The following NAA25 variants were observed in gnomAD, a reference collection of about 807,000 sequenced individuals.
NAA25 encodes the protein N-alpha-acetyltransferase 25, NatB auxiliary subunit.
Under a neutral mutation model 132.5 loss-of-function variants are expected in NAA25, and 30 were observed. The ratio of observed to expected loss-of-function variants is 0.23; its 90% CI spans 0.17 to 0.31. The LOEUF is 0.31. NAA25 is among the 10% of genes least tolerant of loss of function. The pLI is 1.00. For synonymous variants in NAA25, 359 were observed against 401.9 expected, an observed-to-expected ratio of 0.89 and a Z score of 1.28; for missense variants, 771 against 1,150.4, an observed-to-expected ratio of 0.67 and a Z score of 4.77.
chr12:112,053,448 G>GC, intron 15 of NAA25, 110 bp downstream of exon 15: 1 of 795,942 alleles, frequency 1.3e-6, no homozygotes, highest in Non-Finnish European at 2.1e-6. Context: ...GCACTTGCTA[G>GC]TTCAGCATGG....
chr12:112,038,809 G>A (rs954194328), intron 22 of NAA25, among the ~76,000 whole-genome samples: 2 of 152,016 alleles, frequency 1.3e-5, no homozygotes, highest in Non-Finnish European at 2.9e-5. Context: ...GAGAAATCCC[G>A]TCTGTACTAA....
intron 22 of NAA25, chr12:112,034,824 A>G (rs1047751252): frequency 4.6e-5 from 7 of 151,500 alleles, no homozygotes; most frequent in Non-Finnish European, 5.9e-5. Context: ...AAAAAAAAAA[A>G]AAAAGAAAAG....
intron 15 of NAA25, among the ~76,000 whole-genome samples, chr12:112,051,487 G>T (rs2078464611): frequency 6.6e-6 from 1 of 152,120 alleles, no homozygotes; most frequent in East Asian, 1.9e-4. Context: ...TGGATTACAA[G>T]CGTGAGCCAC....
intron 15 of NAA25, among the ~76,000 whole-genome samples, chr12:112,050,167 T>C (rs1260581932): frequency 6.6e-6 from 1 of 152,160 alleles, no homozygotes; most frequent in South Asian, 2.1e-4. Context: ...CTTTTTTAGA[T>C]AGTCCTTCTG....
At chr12:112,088,705 C>G (rs979873420) in intron 3 of NAA25, among the ~76,000 whole-genome samples, 2 of 151,568 alleles carry the variant, frequency 1.3e-5, no homozygotes, top group African/African-American at 4.9e-5. Context: ...ACTGAAACCT[C>G]TGCCTCCTGG....
At chr12:112,038,296 G>A (rs945014074) in intron 22 of NAA25, among the ~76,000 whole-genome samples, 2 of 152,142 alleles carry the variant, frequency 1.3e-5, no homozygotes, top group African/African-American at 4.8e-5. Context: ...TTACAGGTGT[G>A]AGCCACCACA....
intron 3 of NAA25, 68 bp downstream of exon 3, chr12:112,090,658 G>C (rs2079115577): frequency 1.3e-6 from 2 of 1,515,588 alleles, no homozygotes; most frequent in Non-Finnish European, 1.8e-6. Context: ...ATCAGACAAG[G>C]GCAAACAGTC....
chr12:112,053,678 G>T, intron 14 of NAA25, 21 bp from the exon 15 acceptor site: 1 of 1,319,508 alleles, frequency 7.6e-7, no homozygotes, highest in South Asian at 1.4e-5. Context: ...AGGAAAGAAG[G>T]AAAAAAAAAG....
At chr12:112,046,305 G>A (rs1010593229) in intron 17 of NAA25, among the ~76,000 whole-genome samples, 1 of 152,230 alleles carries the variant, frequency 6.6e-6, no homozygotes, top group Admixed American at 6.5e-5. Flanking sequence ...AGCATACTCA[G>A]TGTTTCCCCT....
chr12:112,027,131 T>C lies in NAA25; in HGVS notation c.*2400A>G, dbSNP rs1323617883. ...CAATAATTTTTCAGTCTGTAAACAGTAGTCGTGATTTTTCTCCTTTCCTTT... is the reference window on the plus strand; with the variant it reads ...CAATAATTTTTCAGTCTGTAAACAGCAGTCGTGATTTTTCTCCTTTCCTTT... On this transcript the variant is annotated 3_prime_UTR_variant, in exon 24 of 24. Coordinates refer to ENST00000261745, the MANE Select transcript of NAA25 (RefSeq NM_024953.4). The C allele has an allele frequency of 6.6e-6, 1 of 152,544 alleles. No homozygotes were observed. Among genetic ancestry groups the C allele is most frequent in the African/African-American group, 2.4e-5 (1 of 41,428 alleles). The allele number at this position is 152,544 out of a possible 1,614,324, so 9.4% of individuals were successfully genotyped here.
chr12:112,074,756 T>C lies in NAA25; in HGVS notation c.785A>G (p.Asp262Gly), dbSNP rs761468380. Residue 262 changes from aspartate to glycine, a missense_variant, in exon 9 of 24, where the codon GAC (aspartate) becomes GGC (glycine). Physicochemically the swap from Asp to Gly is moderately conservative, Grantham distance 94. This residue lies in a region of NAA25 where 417 missense variants were observed against 733.8 expected (regional missense o/e 0.57). Coordinates refer to ENST00000261745, the MANE Select transcript of NAA25 (RefSeq NM_024953.4). ...SRRLLLKNSD[D>G]WQFYLTYFDS... ...GAAATAAGTCAGATAGAACTGCCAG[T>C]CATCTGAGCTAAAATCAGATTGAAT... is the stretch of plus-strand genomic sequence containing the variant. 1.2e-6 allele frequency: 2 copies of C among 1,609,614 alleles called. No homozygotes were observed. Among genetic ancestry groups the C allele is most frequent in the African/African-American group, 1.3e-5 (1 of 74,920 alleles).
intron 21 of NAA25, chr12:112,039,759 A>G (rs572569272): frequency 6.1e-6 from 1 of 162,752 alleles, no homozygotes; most frequent in African/African-American, 2.4e-5. Context: ...CCTTACCTGC[A>G]AATCTTAACT....
intron 22 of NAA25, chr12:112,033,943 T>C (rs1265867500): frequency 6.6e-6 from 1 of 151,614 alleles, no homozygotes; most frequent in Non-Finnish European, 1.5e-5. Flanking sequence ...CCAAGAAACA[T>C]GTGATACAAC....
chr12:112,105,578 C>A (rs565079864), intron 1 of NAA25, among the ~76,000 whole-genome samples: 1 of 152,210 alleles, frequency 6.6e-6, no homozygotes, highest in East Asian at 1.9e-4. Context: ...AAAATTTCAA[C>A]CCACCACAAT....
intron 16 of NAA25, 137 bp from the exon 17 acceptor site, chr12:112,047,927 C>T (rs938598814): frequency 7.5e-6 from 7 of 928,516 alleles, no homozygotes; most frequent in African/African-American, 6.7e-5. Flanking sequence ...TAGAACCAAG[C>T]GCAGATCAAA....
chr12:112,063,016 C>G (rs1018766644), intron 11 of NAA25, among the ~76,000 whole-genome samples: 1 of 151,488 alleles, frequency 6.6e-6, no homozygotes, highest in Non-Finnish European at 1.5e-5. Flanking sequence ...GCCATCATTG[C>G]GCCATTACAC....
intron 4 of NAA25, among the ~76,000 whole-genome samples, chr12:112,082,110 G>C (rs1305738218): frequency 6.6e-6 from 1 of 152,042 alleles, no homozygotes; most frequent in Admixed American, 6.6e-5. Flanking sequence ...AATTAGCTGG[G>C]CGTGGCAGCA....
rs576049450 is a variant in NAA25, at chr12:112,049,492, T to C, written c.1729-1049A>G. On this transcript the variant is annotated intron_variant, in intron 15 of 23. Transcript: ENST00000261745. This position sits in a 1 kb window ranked among gnomAD's most constrained non-coding sequence, Gnocchi z 4.7. Reference sequence around the variant, plus strand: ...ATAGTCAACAACATACCCTCTGATATACAGCCTTGCAGGGTTCATTTCAGG... The same window carrying C: ...ATAGTCAACAACATACCCTCTGATACACAGCCTTGCAGGGTTCATTTCAGG... 34 of 985,912 alleles carry C rather than the reference T, an allele frequency of 3.4e-5. No homozygotes were observed. The African/African-American group carries it at 5.8e-4, about 17-fold the overall frequency. 61.1% of individuals were successfully genotyped at this position (985,912 alleles called of 1,614,324 possible). A position where few individuals can be genotyped will look rare whatever the true frequency, so the allele number is the denominator to read the frequency against.
Position 112,063,258 on chromosome 12 carries a change from C to CA in NAA25, c.1150-1871dup, listed in dbSNP as rs1049503236. Among the ~76,000 whole-genome samples the CA allele has an allele frequency of 3.2e-4, 48 of 152,224 alleles. 1 individual carries two copies. The highest frequency in any genetic ancestry group is 3.4e-3 in the Middle Eastern group (1 of 292). On this transcript the variant is annotated intron_variant, in intron 11 of 23. Coordinates refer to ENST00000261745, the MANE Select transcript of NAA25 (RefSeq NM_024953.4). ...TCTAGTCACAGAATCTTGGAAGACT[C>CA]AGAGACTAAGGGCACCAGGTGTCCC...
Sources: gnomAD v4.1 joint callset for allele counts (sites outside exome capture counted in the v4.1 genomes callset) on GRCh38, gnomAD v4.1.1 for gene constraint, gnomAD v4.1.1 regional missense constraint, Gnocchi (gnomAD v3.1) non-coding constraint, MANE v1.5 for transcripts, NCBI Gene and HGNC (gene_info 2026-07-23, HGNC 2026-07-21) for gene names.